SUCLG2: variants seen among roughly 807,000 people sequenced by gnomAD.
The protein encoded by SUCLG2 is succinate-CoA ligase GDP-forming subunit beta, also known as succinate--CoA ligase [GDP-forming] subunit beta, mitochondrial.
In SUCLG2, 42 loss-of-function variants were observed where a neutral mutation model predicts 47.9. The observed-to-expected ratio is 0.88, with a 90% CI of 0.69 to 1.14. The LOEUF is 1.14. Ranked by LOEUF, SUCLG2 falls within the 50% of genes most tolerant of loss-of-function variation. The pLI, the probability that SUCLG2 is intolerant of heterozygous loss-of-function variation, is 0.00. For missense variants in SUCLG2, 571 were observed against 525.9 expected, an observed-to-expected ratio of 1.09 and a Z score of -0.84; for synonymous variants, 195 against 197.3, an observed-to-expected ratio of 0.99 and a Z score of 0.10.
downstream of SUCLG2, among the ~76,000 whole-genome samples, chr3:67,372,424 C>T (rs1032143123): frequency 6.6e-6 from 1 of 151,922 alleles, no homozygotes; most frequent in Non-Finnish European, 1.5e-5. Context: ...TTAGTCTTTC[C>T]AAGACTAAAC....
chr3:67,449,916 C>T (rs1704015006), intron 9 of SUCLG2, among the ~76,000 whole-genome samples: 1 of 152,144 alleles, frequency 6.6e-6, no homozygotes, highest in East Asian at 1.9e-4. Context: ...CTCGGCCATG[C>T]TGAATATTTT....
chr3:67,423,765 C>A (rs1482403037), intron 9 of SUCLG2, among the ~76,000 whole-genome samples: 2 of 152,098 alleles, frequency 1.3e-5, no homozygotes, highest in Non-Finnish European at 2.9e-5. Flanking sequence ...CATCAGAATC[C>A]CCCTTAGAAT....
At chr3:67,532,390 C>A (rs1706427049) in intron 2 of SUCLG2, among the ~76,000 whole-genome samples, 1 of 152,140 alleles carries the variant, frequency 6.6e-6, no homozygotes, top group Non-Finnish European at 1.5e-5. Flanking sequence ...CCCACCTCAG[C>A]CTCCCAAAGT....
chr3:67,578,284 A>T (rs1707795473), intron 2 of SUCLG2, among the ~76,000 whole-genome samples: 1 of 147,364 alleles, frequency 6.8e-6, no homozygotes, highest in Non-Finnish European at 1.5e-5. Context: ...AAAATTTTAT[A>T]TATATAAAAT....
intron 2 of SUCLG2, among the ~76,000 whole-genome samples, chr3:67,547,669 T>G (rs1356844889): frequency 2.6e-5 from 4 of 152,120 alleles, no homozygotes; most frequent in Middle Eastern, 3.2e-3. Flanking sequence ...AAAAACAGAA[T>G]AACTCCAGAA....
At chr3:67,454,480 G>C (rs1055983568) in intron 9 of SUCLG2, among the ~76,000 whole-genome samples, 1 of 151,392 alleles carries the variant, frequency 6.6e-6, no homozygotes, top group African/African-American at 2.4e-5. Context: ...AGTATTTAAC[G>C]ATTTGCCATA....
chr3:67,390,089 G>A (rs562129308), intron 10 of SUCLG2, among the ~76,000 whole-genome samples: 24 of 152,246 alleles, frequency 1.6e-4, no homozygotes, highest in Non-Finnish European at 8.8e-5. Flanking sequence ...TTTCAGGCAC[G>A]CTGCCACATG....
intron 2 of SUCLG2, among the ~76,000 whole-genome samples, chr3:67,566,721 T>C (rs1238957841): frequency 6.7e-6 from 1 of 149,954 alleles, no homozygotes; most frequent in Non-Finnish European, 1.5e-5. Flanking sequence ...ATACCAGAAG[T>C]AAAGATGAAC....
chr3:67,436,853 A>G (rs1703635960), intron 9 of SUCLG2, among the ~76,000 whole-genome samples: 1 of 152,208 alleles, frequency 6.6e-6, no homozygotes. Context: ...TTTTCTCACT[A>G]AACAATCAAA....
intron 1 of SUCLG2, among the ~76,000 whole-genome samples, chr3:67,645,933 T>C (rs1701182586): frequency 1.3e-5 from 2 of 151,214 alleles, no homozygotes; most frequent in Admixed American, 6.6e-5. Context: ...GGATAAAAAA[T>C]AGTTCCTTAT....
At chr3:67,536,978 A>C (rs1706561428) in intron 2 of SUCLG2, among the ~76,000 whole-genome samples, 2 of 152,216 alleles carry the variant, frequency 1.3e-5, no homozygotes, top group African/African-American at 4.8e-5. Flanking sequence ...TTGGGAAAAT[A>C]AATTTTATGT....
intron 2 of SUCLG2, among the ~76,000 whole-genome samples, chr3:67,541,942 C>A (rs373472406): frequency 6.6e-6 from 1 of 151,498 alleles, no homozygotes; most frequent in African/African-American, 2.4e-5. Context: ...AATCTTGGCT[C>A]GCTGCAACCT....
At chr3:67,372,089 T>C (rs1422151960), downstream of SUCLG2, among the ~76,000 whole-genome samples, 2 of 152,206 alleles carry the variant, frequency 1.3e-5, no homozygotes, top group African/African-American at 2.4e-5. Flanking sequence ...TAGCAATGTG[T>C]GGCTGTCAAT....
intron 10 of SUCLG2, among the ~76,000 whole-genome samples, chr3:67,366,335 C>T (rs1701875001): frequency 1.3e-5 from 2 of 152,208 alleles, no homozygotes; most frequent in Admixed American, 6.5e-5. Flanking sequence ...AAGAGCAAGA[C>T]TCCATCTCAA....
chr3:67,613,093 T>C (rs1461425493), intron 1 of SUCLG2, among the ~76,000 whole-genome samples: 1 of 152,164 alleles, frequency 6.6e-6, no homozygotes, highest in Non-Finnish European at 1.5e-5. Context: ...CCAAACCTTG[T>C]CCTCTTAAGA....
intron 7 of SUCLG2, among the ~76,000 whole-genome samples, chr3:67,504,728 A>G (rs1203160497): frequency 6.6e-6 from 1 of 152,176 alleles, no homozygotes; most frequent in African/African-American, 2.4e-5. Flanking sequence ...ATGGAGTACA[A>G]CTTGCTTTAA....
intron 9 of SUCLG2, among the ~76,000 whole-genome samples, chr3:67,409,581 C>T (rs1034708898): frequency 7.9e-5 from 12 of 151,872 alleles, no homozygotes; most frequent in African/African-American, 2.9e-4. Context: ...CATTTGTTTC[C>T]CTAACTTTGG....
intron 9 of SUCLG2, among the ~76,000 whole-genome samples, chr3:67,493,070 C>A (rs1011463497): frequency 6.1e-4 from 93 of 152,298 alleles, no homozygotes; most frequent in African/African-American, 2.2e-3. Flanking sequence ...TCTAACAAGA[C>A]AATTGACACC....
intron 9 of SUCLG2, among the ~76,000 whole-genome samples, chr3:67,451,396 T>A (rs1344246704): frequency 2.0e-5 from 3 of 152,188 alleles, no homozygotes; most frequent in African/African-American, 7.2e-5. Flanking sequence ...CGTAAGTAAG[T>A]CTTAAGACAA....
Sources: allele counts gnomAD v4.1 joint callset (sites outside exome capture counted in the v4.1 genomes callset), GRCh38; gene constraint gnomAD v4.1.1; transcripts MANE v1.5; gene names NCBI Gene and HGNC (gene_info 2026-07-23, HGNC 2026-07-21).